Variants in PDGFRL observed in about 807,000 individuals in gnomAD.
PDGFRL encodes platelet-derived growth factor receptor-like protein.
In PDGFRL, 46 loss-of-function variants were observed where a neutral mutation model predicts 37.2. The observed-to-expected ratio is 1.24, with a 90% CI of 0.98 to 1.58. The LOEUF is 1.58. PDGFRL is among the 40% of genes most tolerant of loss of function. The probability of loss-of-function intolerance (pLI) is 0.00; values close to 1 mark genes in which losing one functional copy is unlikely to be tolerated. For missense variants in PDGFRL, 692 were observed against 467.6 expected, an observed-to-expected ratio of 1.48 and a Z score of -4.43; for synonymous variants, 251 against 184.3, an observed-to-expected ratio of 1.36 and a Z score of -2.93.
chr8:17,600,032 T>C (rs1426390774), intron 2 of PDGFRL, among the ~76,000 whole-genome samples: 1 of 152,192 alleles, frequency 6.6e-6, no homozygotes, highest in African/African-American at 2.4e-5. Context: ...TTGACCCCCA[T>C]GCACCCTGCA....
chr8:17,622,573 A>G (rs1804655799), intron 3 of PDGFRL, among the ~76,000 whole-genome samples: 1 of 152,240 alleles, frequency 6.6e-6, no homozygotes, highest in Non-Finnish European at 1.5e-5. Flanking sequence ...CAGTTCTGGA[A>G]GCACATGTAT....
intron 2 of PDGFRL, among the ~76,000 whole-genome samples, chr8:17,602,843 C>G (rs1804194873): frequency 6.6e-6 from 1 of 152,158 alleles, no homozygotes. Context: ...AAGAAACATT[C>G]CAAATGAGAA....
At chr8:17,621,729 C>A (rs1585325530) in intron 3 of PDGFRL, among the ~76,000 whole-genome samples, 1 of 152,200 alleles carries the variant, frequency 6.6e-6, no homozygotes, top group African/African-American at 2.4e-5. Context: ...TTGGACAGTG[C>A]TGCTGTTGAC....
intron 1 of PDGFRL, 123 bp from the exon 2 acceptor site, chr8:17,589,345 C>T (rs1803881785): frequency 1.4e-6 from 1 of 722,396 alleles, no homozygotes; most frequent in African/African-American, 1.8e-5. Context: ...GAGATTATGC[C>T]ACTGCCCTCC....
intron 2 of PDGFRL, among the ~76,000 whole-genome samples, chr8:17,610,700 C>T (rs1205295891): frequency 2.6e-5 from 4 of 152,124 alleles, no homozygotes; most frequent in Admixed American, 6.5e-5. Flanking sequence ...CCCTTGAGCT[C>T]GGGAGCTAAA....
intron 5 of PDGFRL, among the ~76,000 whole-genome samples, chr8:17,635,533 G>A (rs1055616063): frequency 6.6e-6 from 1 of 152,136 alleles, no homozygotes; most frequent in Non-Finnish European, 1.5e-5. Context: ...TTGATTGATG[G>A]GCATTTGAGC....
At chr8:17,598,835 C>T (rs1804106285) in intron 2 of PDGFRL, among the ~76,000 whole-genome samples, 1 of 152,178 alleles carries the variant, frequency 6.6e-6, no homozygotes, top group Non-Finnish European at 1.5e-5. Flanking sequence ...CACGAGATCA[C>T]ATGGTTTTCT....
intron 4 of PDGFRL, among the ~76,000 whole-genome samples, 191 bp from the exon 5 acceptor site, chr8:17,633,883 C>G (rs1209598465): frequency 1.3e-5 from 2 of 152,160 alleles, no homozygotes; most frequent in Non-Finnish European, 2.9e-5. Context: ...TTCCAGACCA[C>G]CAAGGTCAAC....
rs1046639853 is a variant in PDGFRL at position 17,636,797 on chromosome 8, G to C, written c.939+2584G>C. On this transcript the variant is annotated intron_variant, in intron 5 of 5. Transcript: ENST00000251630. ...GTGTCATCTATGATTTCTTTCAGCA[G>C]TGTTTTGTAGTTTTCCTTGCAGAGG... Among the ~76,000 whole-genome samples, 25 of 152,104 alleles carry C rather than the reference G, an allele frequency of 1.6e-4. 1 individual carries two copies. The highest frequency in any genetic ancestry group is 5.8e-4 in the African/African-American group (24 of 41,428).
chr8:17,611,924 C>T (rs1284296655), intron 2 of PDGFRL, among the ~76,000 whole-genome samples: 1 of 152,000 alleles, frequency 6.6e-6, no homozygotes, highest in Non-Finnish European at 1.5e-5. Context: ...GTGGAAAGAA[C>T]TAGAAATGCC....
intron 5 of PDGFRL, among the ~76,000 whole-genome samples, chr8:17,640,521 A>C (rs971217135): frequency 5.3e-5 from 8 of 152,070 alleles, no homozygotes; most frequent in African/African-American, 1.7e-4. Context: ...GCTTCCTGAG[A>C]GCCAAACTGC....
chr8:17,593,211 A>C (rs1409829258), intron 2 of PDGFRL, among the ~76,000 whole-genome samples: 1 of 151,948 alleles, frequency 6.6e-6, no homozygotes, highest in Non-Finnish European at 1.5e-5. Flanking sequence ...GAACGTATGG[A>C]TATTCTGCTT....
chr8:17,620,649 G>A lies in PDGFRL; in HGVS notation c.354-402G>A, dbSNP rs1437384856. On this transcript the variant is annotated intron_variant, in intron 2 of 5. Coordinates refer to ENST00000251630, the MANE Select transcript of PDGFRL (RefSeq NM_001372073.1). ...GCATTTTCACGATTAACATTTCTATGTATTTGATCACTGCATAAAATATGA... is the reference window on the plus strand; with the variant it reads ...GCATTTTCACGATTAACATTTCTATATATTTGATCACTGCATAAAATATGA... Among the ~76,000 whole-genome samples the A allele has an allele frequency of 3.9e-5, 6 of 152,142 alleles. No homozygotes were observed. In the East Asian group the frequency reaches 1.2e-3, roughly 29 times the overall value.
intron 3 of PDGFRL, 71 bp from the exon 4 acceptor site, chr8:17,628,416 C>T: frequency 7.9e-7 from 1 of 1,266,758 alleles, no homozygotes; most frequent in Non-Finnish European, 1.1e-6. Flanking sequence ...AGTATGCTGC[C>T]AAAATCCTTA....
intron 2 of PDGFRL, among the ~76,000 whole-genome samples, chr8:17,602,964 C>A (rs1804197479): frequency 6.6e-6 from 1 of 152,218 alleles, no homozygotes. Context: ...ATTCATTTTA[C>A]AAACAAATTT....
chr8:17,638,787 A>AT (rs58571745), intron 5 of PDGFRL, among the ~76,000 whole-genome samples: 142 of 91,766 alleles, frequency 1.5e-3, no homozygotes, highest in Middle Eastern at 6.3e-3. Context: ...ATATATATAT[A>AT]ATTGTGATAT....
chr8:17,626,124 T>C (rs1804728963), intron 3 of PDGFRL, among the ~76,000 whole-genome samples: 1 of 152,264 alleles, frequency 6.6e-6, no homozygotes, highest in Non-Finnish European at 1.5e-5. Flanking sequence ...CTCTAAATCT[T>C]GCAATCATAA....
At chr8:17,581,788 CT>C (rs765048440) in intron 1 of PDGFRL, among the ~76,000 whole-genome samples, 2 of 152,142 alleles carry the variant, frequency 1.3e-5, no homozygotes, top group Non-Finnish European at 2.9e-5. Context: ...CTTGTACAGC[CT>C]GCAGAACGAT....
intron 2 of PDGFRL, among the ~76,000 whole-genome samples, chr8:17,590,652 C>T (rs1298839256): frequency 1.3e-5 from 2 of 151,486 alleles, no homozygotes; most frequent in East Asian, 2.0e-4. Flanking sequence ...GCAGAGGTTA[C>T]AGTGAGCCGA....
Sources: allele counts gnomAD v4.1 joint callset (sites outside exome capture counted in the v4.1 genomes callset), GRCh38; gene constraint gnomAD v4.1.1; transcripts MANE v1.5; gene names NCBI Gene and HGNC (gene_info 2026-07-23, HGNC 2026-07-21).